SRFBP1: variants seen among roughly 807,000 people sequenced by gnomAD.
SRFBP1 encodes the protein serum response factor-binding protein 1.
In SRFBP1, 47 loss-of-function variants were observed where a neutral mutation model predicts 45.5. The observed-to-expected ratio is 1.03, with a 90% CI of 0.82 to 1.32. The LOEUF (loss-of-function observed/expected upper bound fraction) is 1.32. SRFBP1 is among the 40% of genes most tolerant of loss of function. The pLI, the probability that SRFBP1 is intolerant of heterozygous loss-of-function variation, is 0.00. For missense variants in SRFBP1, 621 were observed against 484.6 expected (o/e 1.28, Z -2.64); for synonymous variants, 203 against 166.3 (o/e 1.22, Z -1.70).
chr5:122,001,945 G>GTT (rs1752882292), intron 4 of SRFBP1, among the ~76,000 whole-genome samples: 1 of 152,126 alleles, frequency 6.6e-6, no homozygotes, highest in Non-Finnish European at 1.5e-5. Context: ...ATTTCTAAAA[G>GTT]AGAATTTATA....
At chr5:122,011,756 G>C (rs1753098566) in intron 4 of SRFBP1, among the ~76,000 whole-genome samples, 2 of 152,220 alleles carry the variant, frequency 1.3e-5, no homozygotes, top group African/African-American at 4.8e-5. Context: ...GAAGTTAAGT[G>C]AGGAAGGAAG....
chr5:121,992,448 C>T (rs1029485525), intron 3 of SRFBP1, among the ~76,000 whole-genome samples: 1 of 151,706 alleles, frequency 6.6e-6, no homozygotes, highest in Non-Finnish European at 1.5e-5. Context: ...CTTTCTGCTA[C>T]CCTCTTGTAA....
At chr5:122,049,854 T>C in intron 2 of SRFBP1, among the ~76,000 whole-genome samples, 1 of 152,128 alleles carries the variant, frequency 6.6e-6, no homozygotes, top group Admixed American at 6.5e-5. Flanking sequence ...CATACCAGAA[T>C]CTCTGGGACA....
chr5:122,048,903 G>A (rs148402266), intron 2 of SRFBP1, among the ~76,000 whole-genome samples: 6,458 of 151,942 alleles, frequency 0.043, 158 homozygotes, highest in African/African-American at 0.053. Context: ...CCCCTTCATC[G>A]TTTTTTATTG....
chr5:122,031,394 A>T (rs1451860963), downstream of SRFBP1, among the ~76,000 whole-genome samples: 3 of 152,220 alleles, frequency 2.0e-5, no homozygotes, highest in East Asian at 5.8e-4. Flanking sequence ...CTGATGGGGA[A>T]AAAAGCAATA....
chr5:122,001,052 C>G (rs182055075), intron 4 of SRFBP1, among the ~76,000 whole-genome samples: 107 of 152,108 alleles, frequency 7.0e-4, no homozygotes, highest in African/African-American at 2.4e-3. Context: ...CATTAAAGGT[C>G]CCTTCTCCAA....
chr5:122,032,446 G>T (rs1400787496), downstream of SRFBP1, among the ~76,000 whole-genome samples: 1 of 147,390 alleles, frequency 6.8e-6, no homozygotes, highest in African/African-American at 2.5e-5. Context: ...AATTCTTCCT[G>T]TGTTCCTGTT....
chr5:122,042,272 T>C (rs1193704817), intron 2 of SRFBP1, among the ~76,000 whole-genome samples: 1 of 152,202 alleles, frequency 6.6e-6, no homozygotes, highest in Non-Finnish European at 1.5e-5. Flanking sequence ...TTTAAAATTT[T>C]ATTTTTTATT....
chr5:121,984,704 T>C (rs909625273), intron 3 of SRFBP1, among the ~76,000 whole-genome samples: 3 of 151,868 alleles, frequency 2.0e-5, no homozygotes, highest in South Asian at 4.1e-4. Flanking sequence ...ATAAATGGCA[T>C]GAATGAATGT....
intron 2 of SRFBP1, among the ~76,000 whole-genome samples, chr5:121,974,586 GT>G (rs1236855043): frequency 6.6e-6 from 1 of 151,778 alleles, no homozygotes; most frequent in African/African-American, 2.4e-5. Flanking sequence ...GTTATCAGAA[GT>G]TATTTTAAGA....
intron 4 of SRFBP1, among the ~76,000 whole-genome samples, chr5:122,007,745 C>T (rs1404219249): frequency 1.3e-5 from 2 of 150,124 alleles, no homozygotes; most frequent in East Asian, 3.9e-4. Flanking sequence ...CAACCTGGAG[C>T]GTGGGGCCTT....
intron 2 of SRFBP1, among the ~76,000 whole-genome samples, chr5:122,072,528 A>C (rs1754479291): frequency 6.6e-6 from 1 of 152,178 alleles, no homozygotes; most frequent in Admixed American, 6.5e-5. Context: ...TAAAAGTATA[A>C]ATCTAAAGAA....
chr5:121,980,849 G>A (rs1245828521), intron 3 of SRFBP1, among the ~76,000 whole-genome samples: 1 of 152,128 alleles, frequency 6.6e-6, no homozygotes, highest in Non-Finnish European at 1.5e-5. Flanking sequence ...CACTTAAGAT[G>A]TTTAGAGATT....
chr5:122,052,296 A>G (rs1754002097), intron 2 of SRFBP1, among the ~76,000 whole-genome samples: 1 of 152,136 alleles, frequency 6.6e-6, no homozygotes, highest in African/African-American at 2.4e-5. Flanking sequence ...TTACCTCTCT[A>G]GAGAGGTGGG....
chr5:122,003,425 A>G lies in SRFBP1; in HGVS notation c.270+8755A>G, dbSNP rs74357974. 4.6e-5 allele frequency among the ~76,000 whole-genome samples: 7 copies of G among 152,244 alleles called. No homozygotes were observed. In the East Asian group the frequency reaches 1.4e-3, roughly 29 times the overall value. On this transcript the variant is annotated intron_variant, in intron 4 of 7. Coordinates refer to ENST00000339397, the MANE Select transcript of SRFBP1 (RefSeq NM_152546.3). ...CTCAGGTCTTAGACAAAATAATGACACGTTGAACAGAATAGTGCTAATTAA... is the reference window on the plus strand; with the variant it reads ...CTCAGGTCTTAGACAAAATAATGACGCGTTGAACAGAATAGTGCTAATTAA...
chr5:121,986,993 C>A (rs973230017), intron 3 of SRFBP1, among the ~76,000 whole-genome samples: 1 of 151,930 alleles, frequency 6.6e-6, no homozygotes, highest in African/African-American at 2.4e-5. Flanking sequence ...ACATTAAGGC[C>A]GAGTACTGAA....
At chr5:122,006,032 T>A (rs1752965475) in intron 4 of SRFBP1, among the ~76,000 whole-genome samples, 1 of 152,190 alleles carries the variant, frequency 6.6e-6, no homozygotes, top group South Asian at 2.1e-4. Context: ...TTAGTGTTCT[T>A]TTCTTTCAAC....
In SRFBP1 at chr5:122,046,988, C is replaced by T. The variant is rs529091318; in HGVS notation, n.311+24581C>T. Among the ~76,000 whole-genome samples the T allele has an allele frequency of 1.8e-4, 27 of 152,206 alleles. No homozygotes were observed. The East Asian group carries it at 4.1e-3, about 23-fold the overall frequency. On this transcript the variant is annotated intron_variant and non_coding_transcript_variant, in intron 2 of 2. Transcript: ENST00000504881. Reference sequence around the variant, plus strand: ...TAGGTTGCAGACATTTTCTCCCATTCTGTAGGTTGCCTGTTCACTCTGATG... The same window carrying T: ...TAGGTTGCAGACATTTTCTCCCATTTTGTAGGTTGCCTGTTCACTCTGATG...
rs1430647439 is a variant in SRFBP1, at chr5:121,994,659, A to G, written c.259A>G (p.Ile87Val). The change falls in exon 4 of 8, where the codon ATC becomes GTC. Residue 87 changes from isoleucine (I) to valine (V), a missense_variant. Transcript: ENST00000339397. Reference protein sequence around the residue: ...ALGDDINFEKIFKKPDSTATE... With the variant: ...ALGDDINFEKVFKKPDSTATE... The stretch of plus-strand genomic sequence containing the variant: ...TGGTGATGATATCAACTTTGAAAAA[A>G]TCTTCAAAAAGGTATATCTGCAATA... 9.4e-6 allele frequency: 15 copies of G among 1,592,068 alleles called. No individual in the cohort carries two copies. The highest frequency in any genetic ancestry group is 1.3e-5 in the Non-Finnish European group (15 of 1,167,792).
Sources: gnomAD v4.1 joint callset for allele counts (sites outside exome capture counted in the v4.1 genomes callset) on GRCh38, gnomAD v4.1.1 for gene constraint, MANE v1.5 for transcripts, NCBI Gene and HGNC (gene_info 2026-07-23, HGNC 2026-07-21) for gene names.